The following CSMD1 variants were observed in gnomAD, a reference collection of about 807,000 sequenced individuals.
CSMD1 encodes the protein CUB and Sushi multiple domains 1, also known as CUB and sushi domain-containing protein 1.
A neutral mutation model predicts 417.5 loss-of-function variants in CSMD1; 213 were observed. That is an observed-to-expected ratio of 0.51 (90% CI 0.46 to 0.57). The LOEUF is 0.57. Among genes scored for constraint, CSMD1 ranks in the 20% least tolerant of loss-of-function variants. The probability of loss-of-function intolerance (pLI) is 0.00; values close to 1 mark genes in which losing one functional copy is unlikely to be tolerated. For missense variants in CSMD1, 6,923 were observed against 4,529.7 expected (o/e 1.53, Z -15.17); for synonymous variants, 2,862 against 1,736.8 (o/e 1.65, Z -16.11).
intron 5 of CSMD1, among the ~76,000 whole-genome samples, chr8:3,778,087 G>C (rs532071181): frequency 1.6e-4 from 25 of 152,344 alleles, no homozygotes; most frequent in African/African-American, 2.4e-4. Flanking sequence ...GAGTTTGAGA[G>C]CTGCTGGCCC....
At chr8:4,369,463 A>C (rs922136248) in intron 3 of CSMD1, among the ~76,000 whole-genome samples, 5 of 152,264 alleles carry the variant, frequency 3.3e-5, no homozygotes, top group Admixed American at 3.3e-4. Flanking sequence ...ACGTATAATT[A>C]GTCAAGTGTC....
chr8:3,689,188 G>T (rs1041918222), intron 7 of CSMD1, among the ~76,000 whole-genome samples: 22 of 152,078 alleles, frequency 1.4e-4, no homozygotes, highest in African/African-American at 5.3e-4. Flanking sequence ...TGACTTTCAG[G>T]GAGCTGCACA....
At chr8:4,820,013 A>C (rs1799431524) in intron 1 of CSMD1, among the ~76,000 whole-genome samples, 1 of 152,132 alleles carries the variant, frequency 6.6e-6, no homozygotes, top group Non-Finnish European at 1.5e-5. Flanking sequence ...ATTCATCAAC[A>C]TGTAGGTCTC....
chr8:3,268,649 AATTT>A (rs1801614533), intron 26 of CSMD1, among the ~76,000 whole-genome samples: 1 of 152,140 alleles, frequency 6.6e-6, no homozygotes, highest in Admixed American at 6.6e-5. Flanking sequence ...TTACTGAAAC[AATTT>A]ATTTCCGAAT....
intron 3 of CSMD1, among the ~76,000 whole-genome samples, chr8:4,245,067 A>G (rs1243713166): frequency 6.6e-6 from 1 of 152,132 alleles, no homozygotes; most frequent in Non-Finnish European, 1.5e-5. Flanking sequence ...TATTATAGCT[A>G]TTTTGCCAAC....
chr8:4,629,886 A>T (rs1020151656), intron 2 of CSMD1, among the ~76,000 whole-genome samples: 9 of 152,160 alleles, frequency 5.9e-5, no homozygotes, highest in Non-Finnish European at 1.3e-4. Context: ...TGTAAATCTG[A>T]ATGCTTTTCC....
intron 5 of CSMD1, among the ~76,000 whole-genome samples, chr8:3,869,959 T>G (rs1805368607): frequency 6.6e-6 from 1 of 151,874 alleles, no homozygotes; most frequent in Admixed American, 6.5e-5. Context: ...ATATGTCATC[T>G]ATATATTTTA....
chr8:3,950,436 T>C (rs887772318), intron 5 of CSMD1, among the ~76,000 whole-genome samples: 5 of 152,212 alleles, frequency 3.3e-5, no homozygotes, highest in Admixed American at 2.6e-4. Context: ...GAGGTTCTTC[T>C]GGATCTCCAA....
At chr8:4,556,419 G>A (rs139822567) in intron 2 of CSMD1, among the ~76,000 whole-genome samples, 3 of 152,168 alleles carry the variant, frequency 2.0e-5, no homozygotes, top group Non-Finnish European at 4.4e-5. Context: ...ACACGGAGAG[G>A]CCAGGGTACA....
intron 50 of CSMD1, among the ~76,000 whole-genome samples, chr8:3,032,860 C>G (rs1293338111): frequency 6.6e-6 from 1 of 152,064 alleles, no homozygotes; most frequent in Non-Finnish European, 1.5e-5. Flanking sequence ...AAACACTGAT[C>G]TCTTTATATA....
intron 1 of CSMD1, among the ~76,000 whole-genome samples, chr8:4,888,166 T>C (rs1285435338): frequency 6.6e-6 from 1 of 151,950 alleles, no homozygotes; most frequent in Non-Finnish European, 1.5e-5. Flanking sequence ...AATAAATTGA[T>C]ACATTGGTAC....
Position 3,191,449 on chromosome 8 carries a change from AAAAT to A in CSMD1, c.5195-1338_5195-1335del, listed in dbSNP as rs763786588. 7.9e-5 allele frequency among the ~76,000 whole-genome samples: 12 copies of A among 152,270 alleles called. No homozygotes were observed. In the East Asian group the frequency reaches 1.5e-3, roughly 20 times the overall value. On this transcript the variant is annotated intron_variant, in intron 33 of 69. Transcript: ENST00000635120. ...CCAGCCTGGGTGAAAGATTGAGAAA[AAAAT>A]AAATAAAGTAAAAAATGAAAAAATA...
intron 3 of CSMD1, among the ~76,000 whole-genome samples, chr8:4,311,847 A>G (rs1798600074): frequency 6.6e-6 from 1 of 152,080 alleles, no homozygotes; most frequent in East Asian, 1.9e-4. Context: ...AGCGGAAAAG[A>G]TCACTGTTAG....
chr8:4,721,253 C>A (rs539305355), intron 1 of CSMD1, among the ~76,000 whole-genome samples: 6 of 152,184 alleles, frequency 3.9e-5, no homozygotes, highest in Non-Finnish European at 8.8e-5. Flanking sequence ...CATATTTCCT[C>A]ATGCCTAGTA....
chr8:4,067,978 G>A (rs1015006323), intron 3 of CSMD1, among the ~76,000 whole-genome samples: 2 of 152,128 alleles, frequency 1.3e-5, no homozygotes, highest in African/African-American at 4.8e-5. Context: ...TTGGGAGGCT[G>A]AGAAAGGAGA....
chr8:3,988,900 T>C (rs541903686), intron 5 of CSMD1, among the ~76,000 whole-genome samples: 29 of 152,338 alleles, frequency 1.9e-4, no homozygotes, highest in Admixed American at 3.9e-4. Context: ...CAAAGTAAGA[T>C]CAATGTTTTA....
chr8:3,930,345 T>C (rs1174720886), intron 5 of CSMD1, among the ~76,000 whole-genome samples: 2 of 150,680 alleles, frequency 1.3e-5, no homozygotes, highest in Non-Finnish European at 3.0e-5. Flanking sequence ...CCAGCCATAA[T>C]AAAGAAATCA....
chr8:3,272,130 G>C (rs926962387), intron 26 of CSMD1, among the ~76,000 whole-genome samples: 8 of 147,272 alleles, frequency 5.4e-5, no homozygotes, highest in African/African-American at 2.0e-4. Flanking sequence ...AAGGGATCCA[G>C]TTTCAGCTTT....
intron 2 of CSMD1, among the ~76,000 whole-genome samples, chr8:4,436,074 T>C (rs1798133429): frequency 6.6e-6 from 1 of 152,174 alleles, no homozygotes. Flanking sequence ...TAATTCCAAG[T>C]TTCAAGAATA....
Sources: gnomAD v4.1 joint callset for allele counts (sites outside exome capture counted in the v4.1 genomes callset) on GRCh38, gnomAD v4.1.1 for gene constraint, MANE v1.5 for transcripts, NCBI Gene and HGNC (gene_info 2026-07-23, HGNC 2026-07-21) for gene names.